The following MAP2K6 variants were observed in gnomAD, a reference collection of about 807,000 sequenced individuals.
MAP2K6 encodes the protein mitogen-activated protein kinase kinase 6.
A neutral mutation model predicts 53.7 loss-of-function variants in MAP2K6; 16 were observed. The ratio of observed to expected loss-of-function variants is 0.30; its 90% confidence interval spans 0.20 to 0.45. The LOEUF (loss-of-function observed/expected upper bound fraction) is 0.45, where lower values mean the gene tolerates loss of function less well. MAP2K6 is among the 20% of genes least tolerant of loss of function. The pLI, the probability that MAP2K6 is intolerant of heterozygous loss-of-function variation, is 1.00. For synonymous variants in MAP2K6, 132 were observed against 143.1 expected, an observed-to-expected ratio of 0.92 and a Z score of 0.55; for missense variants, 204 against 411.9, an observed-to-expected ratio of 0.50 and a Z score of 4.37.
rs1208065417 is a variant in MAP2K6 at position 69,553,814 on chromosome 17, G to T, written c.*12061G>T. The T allele has an allele frequency of 6.6e-6, 1 of 152,210 alleles. No individual in the cohort carries two copies. The highest frequency in any genetic ancestry group is 1.5e-5 in the Non-Finnish European group (1 of 68,042). 9.4% of individuals were successfully genotyped at this position (152,210 alleles called of 1,614,324 possible). On this transcript the variant is annotated 3_prime_UTR_variant, in exon 12 of 12. Transcript: ENST00000590474. ...AAGTGTTCTTGAAAGAAAATGGTGT[G>T]TTGATCTCATAAGAAAATGTACAAC...
rs1911963467 is a variant in MAP2K6 at position 69,548,510 on chromosome 17, CCTG to C, written c.*6762_*6764del. On this transcript the variant is annotated 3_prime_UTR_variant, in exon 12 of 12. Coordinates refer to ENST00000590474, the MANE Select transcript of MAP2K6 (RefSeq NM_002758.4). Reference sequence around the variant, plus strand: ...CTTATTATTCAGAAATATTCTTTTTCCTGCTGCACCATTAGGCAAACATACATT... The same window carrying C: ...CTTATTATTCAGAAATATTCTTTTTCCTGCACCATTAGGCAAACATACATT... 2 of 152,070 alleles carry C rather than the reference CCTG, an allele frequency of 1.3e-5. No individual in the cohort carries two copies. Among genetic ancestry groups the C allele is most frequent in the South Asian group, 4.1e-4 (2 of 4,828 alleles). 9.4% of individuals were successfully genotyped at this position (152,070 alleles called of 1,614,324 possible). A position where few individuals can be genotyped will look rare whatever the true frequency, so the allele number is the denominator to read the frequency against.
At chr17:69,441,437 T>G (rs1906815872) in intron 1 of MAP2K6, among the ~76,000 whole-genome samples, 2 of 152,202 alleles carry the variant, frequency 1.3e-5, no homozygotes, top group South Asian at 4.1e-4. Context: ...AGTTTTTGAA[T>G]TTTGGTTGTT....
At chr17:69,470,999 C>G (rs1016170540) in intron 1 of MAP2K6, among the ~76,000 whole-genome samples, 28 of 152,172 alleles carry the variant, frequency 1.8e-4, no homozygotes, top group South Asian at 1.0e-3. Context: ...TTGTGAAATT[C>G]ACAGCACCTA....
At chr17:69,415,982 A>C (rs1251186431) in intron 1 of MAP2K6, among the ~76,000 whole-genome samples, 2 of 152,188 alleles carry the variant, frequency 1.3e-5, no homozygotes, top group African/African-American at 4.8e-5. Context: ...ATGACATCAA[A>C]GAGCAGACTA....
chr17:69,439,501 CTTA>C (rs1906751843), intron 1 of MAP2K6, among the ~76,000 whole-genome samples: 1 of 152,134 alleles, frequency 6.6e-6, no homozygotes, highest in African/African-American at 2.4e-5. Flanking sequence ...TAAGGTCAGG[CTTA>C]TTATTTCCAT....
At chr17:69,505,574 A>G (rs1909423384) in intron 1 of MAP2K6, 9 of 496,480 alleles carry the variant, frequency 1.8e-5, no homozygotes, top group South Asian at 1.4e-4. Context: ...AACCTCATTC[A>G]TGACCACAGT....
chr17:69,463,614 C>T (rs145250774), intron 1 of MAP2K6, among the ~76,000 whole-genome samples: 1 of 148,960 alleles, frequency 6.7e-6, no homozygotes, highest in African/African-American at 2.5e-5. Flanking sequence ...CTCTCTCTCT[C>T]TCTATATATA....
chr17:69,423,210 C>T (rs963731441), intron 1 of MAP2K6, among the ~76,000 whole-genome samples: 2 of 151,910 alleles, frequency 1.3e-5, no homozygotes, highest in South Asian at 4.2e-4. Flanking sequence ...AAGTATAGCC[C>T]GTGAGCGAAG....
intron 1 of MAP2K6, among the ~76,000 whole-genome samples, chr17:69,468,202 G>T (rs1907875566): frequency 6.6e-6 from 1 of 152,160 alleles, no homozygotes; most frequent in Non-Finnish European, 1.5e-5. Flanking sequence ...AGGACCTTTA[G>T]TGTAATTCAG....
At chr17:69,442,616 T>C (rs1050139046) in intron 1 of MAP2K6, among the ~76,000 whole-genome samples, 6 of 152,318 alleles carry the variant, frequency 3.9e-5, no homozygotes, top group Non-Finnish European at 5.9e-5. Flanking sequence ...ACCACAGGGA[T>C]GGAAGGGGGA....
intron 1 of MAP2K6, among the ~76,000 whole-genome samples, chr17:69,487,010 T>G (rs1194337325): frequency 6.6e-6 from 1 of 152,174 alleles, no homozygotes; most frequent in East Asian, 1.9e-4. Context: ...TGAGTCTAGA[T>G]CTCCCTGGAT....
rs1381856407 is a variant in MAP2K6, at chr17:69,451,851, T to G, written c.16+36851T>G. ...CAGTTCCTGGAGAAGGCTCAGCAAC[T>G]AGAGGAGAGAGTGCCTCAGGCTGAA... On this transcript the variant is annotated intron_variant, in intron 1 of 11. Coordinates refer to ENST00000590474, the MANE Select transcript of MAP2K6 (RefSeq NM_002758.4). Among the ~76,000 whole-genome samples the G allele has an allele frequency of 2.0e-5, 3 of 152,100 alleles. No homozygotes were observed. The South Asian group carries it at 6.2e-4, about 32-fold the overall frequency.
intron 11 of MAP2K6, among the ~76,000 whole-genome samples, chr17:69,541,020 T>G (rs1467232026): frequency 6.6e-6 from 1 of 152,166 alleles, no homozygotes; most frequent in African/African-American, 2.4e-5. Flanking sequence ...TCCCAGCACT[T>G]TGGGAGGCCG....
At chr17:69,515,586 A>G (rs1401888062) in intron 2 of MAP2K6, among the ~76,000 whole-genome samples, 1 of 152,238 alleles carries the variant, frequency 6.6e-6, no homozygotes, top group African/African-American at 2.4e-5. Context: ...CACCTGAGAG[A>G]TCATTGAAGT....
At chr17:69,476,784 T>C (rs1908165902) in intron 1 of MAP2K6, among the ~76,000 whole-genome samples, 1 of 152,230 alleles carries the variant, frequency 6.6e-6, no homozygotes, top group Non-Finnish European at 1.5e-5. Flanking sequence ...GAAGGTGCTA[T>C]AGAGATTGGC....
chr17:69,488,327 C>A (rs914601959), intron 1 of MAP2K6, among the ~76,000 whole-genome samples: 1 of 152,030 alleles, frequency 6.6e-6, no homozygotes, highest in African/African-American at 2.4e-5. Context: ...TTAGTGGGAA[C>A]GTAAATTAGT....
At position 69,459,952 on chromosome 17, in the gene MAP2K6, TC is replaced by T. The variant is rs1354137643; in HGVS notation, c.16+44954del. 8.6e-5 allele frequency among the ~76,000 whole-genome samples: 13 copies of T among 150,456 alleles called. No individual in the cohort carries two copies. In the East Asian group the frequency reaches 2.4e-3, roughly 27 times the overall value. On this transcript the variant is annotated intron_variant, in intron 1 of 11. Coordinates refer to ENST00000590474, the MANE Select transcript of MAP2K6 (RefSeq NM_002758.4). ...TTCGTTCCTCTTTTTCTTCCTTCCT[TC>T]CTTTCCTTCTCCCTGCCTTCCACCT...
intron 1 of MAP2K6, among the ~76,000 whole-genome samples, chr17:69,419,329 T>C (rs1320490124): frequency 1.3e-5 from 2 of 152,208 alleles, no homozygotes; most frequent in East Asian, 1.9e-4. Context: ...TGTATAGATA[T>C]ATTGCTAAAT....
intron 1 of MAP2K6, among the ~76,000 whole-genome samples, chr17:69,467,895 A>G (rs1239366299): frequency 6.6e-6 from 1 of 152,136 alleles, no homozygotes; most frequent in Non-Finnish European, 1.5e-5. Context: ...CCTCCCAAGT[A>G]GCTGGGATTA....
Sources: allele counts gnomAD v4.1 joint callset (sites outside exome capture counted in the v4.1 genomes callset), GRCh38; gene constraint gnomAD v4.1.1; transcripts MANE v1.5; gene names NCBI Gene and HGNC (gene_info 2026-07-23, HGNC 2026-07-21).